The following SEC31A variants were observed in gnomAD, a reference collection of about 807,000 sequenced individuals.
SEC31A encodes the protein SEC31 homolog A, COPII component.
A neutral mutation model predicts 151.0 loss-of-function variants in SEC31A; 70 were observed. That is an observed-to-expected ratio of 0.46 (90% CI 0.38 to 0.57). SEC31A has a LOEUF of 0.57. Among genes scored for constraint, SEC31A ranks in the 20% least tolerant of loss-of-function variants. The probability of loss-of-function intolerance (pLI) is 0.00; values close to 1 mark genes in which losing one functional copy is unlikely to be tolerated. For missense variants in SEC31A, 1,330 were observed against 1,471.2 expected (o/e 0.90, Z 1.57); for synonymous variants, 475 against 505.9 (o/e 0.94, Z 0.82).
At chr4:82,883,091 G>A (rs1207585682) in intron 1 of SEC31A, among the ~76,000 whole-genome samples, 1 of 152,150 alleles carries the variant, frequency 6.6e-6, no homozygotes, top group East Asian at 1.9e-4. Context: ...CTGCACTCCA[G>A]CCTGGGCAAC....
At chr4:82,849,074 C>A in intron 19 of SEC31A, 97 bp from the exon 20 acceptor site, 1 of 1,128,726 alleles carries the variant, frequency 8.9e-7, no homozygotes. Flanking sequence ...CAAGATATCC[C>A]TTTTTGTTCA....
At chr4:82,892,737 G>GGA (rs1719881445), upstream of SEC31A, among the ~76,000 whole-genome samples, 1 of 149,650 alleles carries the variant, frequency 6.7e-6, no homozygotes, top group Non-Finnish European at 1.5e-5. Context: ...TCTTTTTTTT[G>GGA]GGGGGGGGGG....
In SEC31A at chr4:82,851,576, C is replaced by T. The variant is rs751818380; in HGVS notation, c.2183G>A (p.Arg728Gln). ...GGCTTGAGTGAGTTGCACAGCTTTT[C>T]GCAGGATGACAACTTTCTCAATCAG... ...QDLIEKVVIL[R>Q]KAVQLTQAMD... Residue 728 changes from arginine (R) to glutamine (Q), a missense_variant, in exon 19 of 27, where the codon CGA becomes CAA. By Grantham distance (43) the Arg-to-Gln change is conservative. Coordinates refer to ENST00000395310, the MANE Select transcript of SEC31A (RefSeq NM_001077207.4). 3.2e-5 allele frequency: 52 copies of T among 1,609,982 alleles called. No individual in the cohort carries two copies. The highest frequency in any genetic ancestry group is 1.5e-4 in the South Asian group (14 of 90,394).
intron 10 of SEC31A, among the ~76,000 whole-genome samples, chr4:82,865,581 T>TATATATAC (rs1553932978): frequency 4.1e-5 from 4 of 96,498 alleles, no homozygotes; most frequent in Admixed American, 2.3e-4. Flanking sequence ...TATATATATA[T>TATATATAC]ATACAATGCA....
At chr4:82,840,452 T>G (rs1036613959) in intron 22 of SEC31A, among the ~76,000 whole-genome samples, 1 of 152,214 alleles carries the variant, frequency 6.6e-6, no homozygotes, top group African/African-American at 2.4e-5. Context: ...AAACTATTGA[T>G]GTATCTGTAG....
chr4:82,846,267 T>C (rs1730151695), intron 20 of SEC31A, among the ~76,000 whole-genome samples: 1 of 151,692 alleles, frequency 6.6e-6, no homozygotes, highest in South Asian at 2.1e-4. Context: ...CCTCCCAAAG[T>C]GCTGGGATTA....
chr4:82,890,690 C>T, intron 1 of SEC31A: 1 of 1,018,436 alleles, frequency 9.8e-7, no homozygotes, highest in African/African-American at 1.7e-5. Flanking sequence ...AAAAAAAATC[C>T]TAACCAAAGC....
intron 18 of SEC31A, 78 bp downstream of exon 18, chr4:82,853,492 T>C (rs558903300): frequency 2.4e-6 from 3 of 1,233,832 alleles, no homozygotes; most frequent in South Asian, 3.4e-5. Context: ...AAAAATGAAC[T>C]TATAGATTAT....
intron 19 of SEC31A, among the ~76,000 whole-genome samples, chr4:82,849,825 G>T (rs990390749): frequency 6.6e-6 from 1 of 151,966 alleles, no homozygotes; most frequent in South Asian, 2.1e-4. Context: ...CCCTATATAT[G>T]CTCTAAGTAT....
chr4:82,852,033 G>A (rs1731558820), intron 18 of SEC31A, among the ~76,000 whole-genome samples: 1 of 152,216 alleles, frequency 6.6e-6, no homozygotes, highest in South Asian at 2.1e-4. Context: ...TAATCCCCAT[G>A]TGTCATGGGA....
chr4:82,896,978 A>G (rs558774687), intron 3 of SEC31A, among the ~76,000 whole-genome samples: 1 of 152,274 alleles, frequency 6.6e-6, no homozygotes, highest in East Asian at 1.9e-4. Flanking sequence ...CCTCATCAGC[A>G]AAATATAGAC....
chr4:82,874,062 G>A (rs886229232), intron 6 of SEC31A, among the ~76,000 whole-genome samples: 2 of 152,064 alleles, frequency 1.3e-5, no homozygotes, highest in African/African-American at 4.8e-5. Context: ...CACTTTGGGA[G>A]GCCGAGGCAG....
intron 6 of SEC31A, among the ~76,000 whole-genome samples, chr4:82,873,830 G>T (rs371732693): frequency 9.2e-5 from 14 of 152,086 alleles, no homozygotes; most frequent in African/African-American, 3.4e-4. Flanking sequence ...ATACCTAAAA[G>T]GTTCAGAATT....
intron 24 of SEC31A, among the ~76,000 whole-genome samples, chr4:82,825,268 A>G (rs1724287790): frequency 6.6e-6 from 1 of 152,242 alleles, no homozygotes; most frequent in South Asian, 2.1e-4. Context: ...TTAGGCAACT[A>G]TTTACCAGGA....
chr4:82,842,922 T>C (rs1243922742), intron 21 of SEC31A: 1 of 158,166 alleles, frequency 6.3e-6, no homozygotes, highest in Non-Finnish European at 1.4e-5. Context: ...TGAACACTAT[T>C]GTTATGTATC....
At chr4:82,856,348 C>T (rs1732648508) in intron 16 of SEC31A, among the ~76,000 whole-genome samples, 1 of 149,096 alleles carries the variant, frequency 6.7e-6, no homozygotes. Context: ...GATGGGGTTT[C>T]ACCATGTTGC....
rs866990025 is a variant in SEC31A at position 82,890,957 on chromosome 4, C to A, written c.-5+131G>T. On this transcript the variant is annotated intron_variant, in intron 1 of 26. Coordinates refer to ENST00000395310, the MANE Select transcript of SEC31A (RefSeq NM_001077207.4). ...CCCGAAACCAAGACTAGGGGCGCGCCGTCACCAGAGACCGGGCCTCAGGCT... is the reference window on the plus strand; with the variant it reads ...CCCGAAACCAAGACTAGGGGCGCGCAGTCACCAGAGACCGGGCCTCAGGCT... The A allele has an allele frequency of 2.6e-5, 37 of 1,449,702 alleles. No homozygotes were observed. In the African/African-American group the frequency reaches 4.5e-4, roughly 18 times the overall value. The allele number at this position is 1,449,702 out of a possible 1,614,324, so 89.8% of individuals were successfully genotyped here. A position where few individuals can be genotyped will look rare whatever the true frequency, so the allele number is the denominator to read the frequency against.
chr4:82,891,310 G>A (rs1398077667), upstream of SEC31A: 4 of 911,680 alleles, frequency 4.4e-6, no homozygotes, highest in Non-Finnish European at 6.6e-6. Flanking sequence ...GGGACCGGCG[G>A]TAGCCTGGGA....
intron 25 of SEC31A, among the ~76,000 whole-genome samples, chr4:82,822,925 A>T (rs1329744075): frequency 6.6e-6 from 1 of 152,060 alleles, no homozygotes. Context: ...GTGAGCCGAG[A>T]TTGCACCATT....
Sources: gnomAD v4.1 joint callset for allele counts (sites outside exome capture counted in the v4.1 genomes callset) on GRCh38, gnomAD v4.1.1 for gene constraint, MANE v1.5 for transcripts, NCBI Gene and HGNC (gene_info 2026-07-23, HGNC 2026-07-21) for gene names.